DNAH6: variants seen among roughly 807,000 people sequenced by gnomAD.
DNAH6 encodes dynein axonemal heavy chain 6, also known as axonemal beta dynein heavy chain 6.
In DNAH6, 340 loss-of-function variants were observed where a neutral mutation model predicts 491.4. That is an observed-to-expected ratio of 0.69 (90% CI 0.63 to 0.76). The LOEUF (loss-of-function observed/expected upper bound fraction) is 0.76, where lower values mean the gene tolerates loss of function less well. DNAH6 is among the 30% of genes least tolerant of loss of function. DNAH6 has a pLI of 0.00. For missense variants in DNAH6, 4,443 were observed against 4,972.2 expected (o/e 0.89, Z 3.20); for synonymous variants, 1,603 against 1,686.1 (o/e 0.95, Z 1.21).
intron 64 of DNAH6, among the ~76,000 whole-genome samples, chr2:84,776,007 G>A (rs891525235): frequency 1.3e-5 from 2 of 152,038 alleles, no homozygotes; most frequent in African/African-American, 4.8e-5. Context: ...GGTTTATTGG[G>A]GGTTTTAGTT....
At chr2:84,485,654 A>G in the DNAH6 span, among the ~76,000 whole-genome samples, 1 of 152,134 alleles carries the variant, frequency 6.6e-6, no homozygotes, top group Middle Eastern at 3.4e-3. Flanking sequence ...TTTTTCTCCA[A>G]TATTGGAGAT....
chr2:84,539,740 T>C (rs1439238009), intron 4 of DNAH6, among the ~76,000 whole-genome samples: 1 of 152,172 alleles, frequency 6.6e-6, no homozygotes, highest in African/African-American at 2.4e-5. Context: ...ACATTGACCA[T>C]AGAGCACTCT....
the DNAH6 span, among the ~76,000 whole-genome samples, chr2:84,504,000 C>A: frequency 6.6e-6 from 1 of 152,058 alleles, no homozygotes; most frequent in Admixed American, 6.6e-5. Context: ...CTACCCATAT[C>A]TCTTTCTCCA....
rs1400612537 is a variant in DNAH6, at chr2:84,701,434, G to A, written c.8061+95G>A. The A allele has an allele frequency of 6.1e-6, 8 of 1,306,010 alleles. No individual in the cohort carries two copies. The East Asian group carries it at 1.3e-4, about 21-fold the overall frequency. 80.9% of individuals were successfully genotyped at this position (1,306,010 alleles called of 1,614,324 possible). ...TCTATGCACTGTCTTACCTGTCAGG[G>A]CCCTGTATTAGTCCATTCTCGCACT... On this transcript the variant is annotated intron_variant, in intron 49 of 76. Coordinates refer to ENST00000389394, the MANE Select transcript of DNAH6 (RefSeq NM_001370.2).
chr2:84,632,176 A>G (rs1399304893), intron 29 of DNAH6, among the ~76,000 whole-genome samples: 1 of 152,220 alleles, frequency 6.6e-6, no homozygotes, highest in Non-Finnish European at 1.5e-5. Flanking sequence ...TTCATGATCA[A>G]TATTTGGAAC....
At chr2:84,776,156 T>C (rs992152822) in intron 64 of DNAH6, among the ~76,000 whole-genome samples, 9 of 152,166 alleles carry the variant, frequency 5.9e-5, no homozygotes, top group Admixed American at 5.9e-4. Context: ...CGATACTGGA[T>C]TTATACACTG....
At chr2:84,460,942 G>A in the DNAH6 span, among the ~76,000 whole-genome samples, 1 of 152,144 alleles carries the variant, frequency 6.6e-6, no homozygotes, top group Non-Finnish European at 1.5e-5. Flanking sequence ...AATTAATGAA[G>A]AAATTCTTAA....
At chr2:84,796,680 T>C (rs1204910496) in intron 69 of DNAH6, among the ~76,000 whole-genome samples, 5 of 152,214 alleles carry the variant, frequency 3.3e-5, no homozygotes, top group Non-Finnish European at 7.3e-5. Flanking sequence ...TTCAATGTTA[T>C]GTTCTAGTAT....
rs566104853 is a variant in DNAH6, at chr2:84,559,366, A to T, written c.1803+1431A>T. Among the ~76,000 whole-genome samples, 526 of 152,282 alleles carry T rather than the reference A, an allele frequency of 3.5e-3. 1 individual carries two copies. The highest frequency in any genetic ancestry group is 0.011 in the African/African-American group (478 of 41,576). On this transcript the variant is annotated intron_variant, in intron 11 of 76. Transcript: ENST00000389394. Reference sequence around the variant, plus strand: ...TCTAAAGAAGATGAGGCATTATTTGAACATTGGATGGTGCAGAGAAAATGA... The same window carrying T: ...TCTAAAGAAGATGAGGCATTATTTGTACATTGGATGGTGCAGAGAAAATGA...
chr2:84,678,520 A>G (rs1156486570), intron 41 of DNAH6, among the ~76,000 whole-genome samples: 1 of 152,156 alleles, frequency 6.6e-6, no homozygotes, highest in Non-Finnish European at 1.5e-5. Flanking sequence ...ATTTTTTATT[A>G]AGTTAAAGCA....
chr2:84,621,471 C>A lies in DNAH6; in HGVS notation c.3991C>A (p.Arg1331Ser), dbSNP rs1366599094. 3 of 1,538,394 alleles carry A rather than the reference C, an allele frequency of 2.0e-6. No homozygotes were observed. The African/African-American group carries it at 4.1e-5, about 21-fold the overall frequency. ...ILTVSQIMWC[R>S]DLTECLETEH... ...GACTGTTTCTCAAATTATGTGGTGC[C>A]GTGATTTGACTGAATGTCTGGAAAC... The change falls in exon 26 of 77, where the codon CGT becomes AGT. Residue 1331 changes from arginine to serine, a missense_variant. Physicochemically the swap from Arg to Ser is moderately radical, Grantham distance 110. Coordinates refer to ENST00000389394, the MANE Select transcript of DNAH6 (RefSeq NM_001370.2).
chr2:84,611,187 G>A (rs1011439893), intron 21 of DNAH6, among the ~76,000 whole-genome samples: 2 of 115,736 alleles, frequency 1.7e-5, no homozygotes, highest in African/African-American at 4.8e-5. Context: ...TCTTCTTCCA[G>A]TCTTCTATAT....
intron 46 of DNAH6, among the ~76,000 whole-genome samples, chr2:84,696,740 T>C (rs1197094783): frequency 6.6e-6 from 1 of 151,974 alleles, no homozygotes; most frequent in Non-Finnish European, 1.5e-5. Context: ...AACTAAAAAG[T>C]TAACTGAAAT....
In DNAH6 at chr2:84,624,631, G is replaced by A. The variant is rs1687689117; in HGVS notation, c.4353+11G>A. ...ATTACTCCACTCACAGTAAGTTATT[G>A]ATCACTTGGGTTAATATTGACACAA... On this transcript the variant is annotated intron_variant, in intron 28 of 76. Transcript: ENST00000389394. 6.5e-7 allele frequency: 1 copy of A among 1,550,134 alleles called. No homozygotes were observed. The highest frequency in any genetic ancestry group is 2.4e-5 in the East Asian group (1 of 40,892).
chr2:84,762,709 G>T lies in DNAH6; in HGVS notation c.10513-46G>T, dbSNP rs751103223. 6.5e-6 allele frequency: 9 copies of T among 1,378,044 alleles called. No individual in the cohort carries two copies. In the South Asian group the frequency reaches 7.7e-5, roughly 12 times the overall value. The allele number at this position is 1,378,044 out of a possible 1,614,324, so 85.4% of individuals were successfully genotyped here. On this transcript the variant is annotated intron_variant, in intron 63 of 76. Coordinates refer to ENST00000389394, the MANE Select transcript of DNAH6 (RefSeq NM_001370.2). Reference sequence around the variant, plus strand: ...AAGGAGAAAATTAGGATAAAATTATGAAGGATCCTCATTCAACATACTTTT... The same window carrying T: ...AAGGAGAAAATTAGGATAAAATTATTAAGGATCCTCATTCAACATACTTTT...
chr2:84,777,260 A>G (rs1280449303), intron 64 of DNAH6: 1 of 224,588 alleles, frequency 4.5e-6, no homozygotes, highest in African/African-American at 2.3e-5. Flanking sequence ...ATAAATAAAT[A>G]TAAAATTGCA....
chr2:84,781,685 T>G, intron 65 of DNAH6, 32 bp downstream of exon 65: 1 of 1,512,556 alleles, frequency 6.6e-7, no homozygotes, highest in Non-Finnish European at 8.9e-7. Flanking sequence ...TGCATAATAA[T>G]CACATTTTTA....
the DNAH6 span, among the ~76,000 whole-genome samples, chr2:84,462,897 T>G: frequency 6.6e-6 from 1 of 152,064 alleles, no homozygotes; most frequent in African/African-American, 2.4e-5. Context: ...GTGAGTAAAA[T>G]GCATACCAAG....
At chr2:84,591,555 T>C (rs1179264673) in intron 16 of DNAH6, among the ~76,000 whole-genome samples, 7 of 152,176 alleles carry the variant, frequency 4.6e-5, no homozygotes, top group Admixed American at 3.9e-4. Context: ...ATACATTCAA[T>C]GCAATCCTTA....
Sources: gnomAD v4.1 joint callset for allele counts (sites outside exome capture counted in the v4.1 genomes callset) on GRCh38, gnomAD v4.1.1 for gene constraint, MANE v1.5 for transcripts, NCBI Gene and HGNC (gene_info 2026-07-23, HGNC 2026-07-21) for gene names.